RFTN2: variants seen among roughly 807,000 people sequenced by gnomAD.
RFTN2 encodes raftlin family member 2, also known as raftlin-2.
RFTN2 carries 34 observed loss-of-function variants against 52.7 expected under a neutral mutation model. That is an observed-to-expected ratio of 0.64 (90% CI 0.49 to 0.86). The LOEUF (loss-of-function observed/expected upper bound fraction) is 0.86. RFTN2 is among the 40% of genes least tolerant of loss of function. RFTN2 has a pLI of 0.00. For missense variants in RFTN2, 536 were observed against 600.1 expected (o/e 0.89, Z 1.12); for synonymous variants, 203 against 217.7 (o/e 0.93, Z 0.59).
At chr2:197,574,250 C>A (rs904619241) in intron 8 of RFTN2, among the ~76,000 whole-genome samples, 1 of 152,222 alleles carries the variant, frequency 6.6e-6, no homozygotes, top group African/African-American at 2.4e-5. Context: ...CCCTGCAAAG[C>A]CACAGGGGCA....
Position 197,628,711 on chromosome 2 carries a change from A to C in RFTN2, c.928+2300T>G, listed in dbSNP as rs532359230. Among the ~76,000 whole-genome samples the C allele has an allele frequency of 7.4e-4, 113 of 152,360 alleles. 1 individual carries two copies. The highest frequency in any genetic ancestry group is 2.6e-3 in the African/African-American group (110 of 41,582). ...TAAAAGTACTGTAATTGCACATAACAAGTGGCAGGAAAGAAAACTAACACC... is the reference window on the plus strand; with the variant it reads ...TAAAAGTACTGTAATTGCACATAACCAGTGGCAGGAAAGAAAACTAACACC... On this transcript the variant is annotated intron_variant, in intron 5 of 8. Transcript: ENST00000295049.
chr2:197,586,389 G>A (rs1024045286), intron 8 of RFTN2, among the ~76,000 whole-genome samples: 3 of 152,180 alleles, frequency 2.0e-5, no homozygotes, highest in Non-Finnish European at 4.4e-5. Context: ...CTGGGTAGAA[G>A]ACACTTCTTT....
Position 197,675,345 on chromosome 2 carries a change from A to G in RFTN2, c.114T>C (p.Tyr38=), listed in dbSNP as rs964103761. The G allele has an allele frequency of 6.2e-7, 1 of 1,603,952 alleles. No individual in the cohort carries two copies. The highest frequency in any genetic ancestry group is 2.3e-5 in the East Asian group (1 of 44,090). Reference sequence around the variant, plus strand: ...CTTGTAGAGTAAAATCCAGCAATACATATTCGTAAGCAAATTCTGTCTTTG... The same window carrying G: ...CTTGTAGAGTAAAATCCAGCAATACGTATTCGTAAGCAAATTCTGTCTTTG... The part of the protein sequence containing the change: ...VETKTEFAYE[Y]VLLDFTLQAS... The change falls in exon 1 of 9, where the codon TAT becomes TAC. Residue 38 remains tyrosine, a synonymous_variant. Transcript: ENST00000295049.
chr2:197,630,004 G>A (rs113491037), intron 5 of RFTN2, among the ~76,000 whole-genome samples: 3,629 of 152,254 alleles, frequency 0.024, 138 homozygotes, highest in African/African-American at 0.083. Flanking sequence ...GATTACAGGT[G>A]TGAGCCACAG....
intron 7 of RFTN2, among the ~76,000 whole-genome samples, chr2:197,605,206 T>C (rs1211646692): frequency 2.6e-5 from 4 of 151,888 alleles, no homozygotes; most frequent in South Asian, 2.1e-4. Context: ...TTTGGAAAAA[T>C]CAGTCTTGAA....
chr2:197,592,651 C>A (rs1214254362), intron 8 of RFTN2, among the ~76,000 whole-genome samples: 3 of 152,148 alleles, frequency 2.0e-5, no homozygotes, highest in African/African-American at 4.8e-5. Flanking sequence ...TGAAAAAATT[C>A]TTTGAAAGAC....
intron 4 of RFTN2, 126 bp downstream of exon 4, chr2:197,633,592 T>G (rs1979239): frequency 0.68 from 514,661 of 759,070 alleles, 176,731 homozygotes; most frequent in Middle Eastern, 0.84. Flanking sequence ...CATGAGGTTT[T>G]TATTAGTTCA....
rs747881941 is a variant in RFTN2 at position 197,633,813 on chromosome 2, T to C, written c.623A>G (p.Glu208Gly). 2 of 1,613,840 alleles carry C rather than the reference T, an allele frequency of 1.2e-6. No individual in the cohort carries two copies. Among genetic ancestry groups the C allele is most frequent in the East Asian group, 4.5e-5 (2 of 44,880 alleles). The change falls in exon 4 of 9, where the codon GAA (glutamate) becomes GGA (glycine). Residue 208 changes from glutamate (E) to glycine (G), a missense_variant. Glu to Gly is a moderately conservative substitution (Grantham distance 98, BLOSUM62 -2). Coordinates refer to ENST00000295049, the MANE Select transcript of RFTN2 (RefSeq NM_144629.3). ...ATGAAGTTCTTCCTCAATTCCGCTT[T>C]CAGATGACTGCCCACTTAACGTCCC... ...NEGTLSGQSS[E>G]SGIEEELHHE...
At chr2:197,585,331 C>A (rs771221319) in intron 8 of RFTN2, among the ~76,000 whole-genome samples, 1 of 152,224 alleles carries the variant, frequency 6.6e-6, no homozygotes, top group Non-Finnish European at 1.5e-5. Flanking sequence ...ATTCACCATT[C>A]TCAACTACTT....
intron 7 of RFTN2, among the ~76,000 whole-genome samples, chr2:197,602,703 C>T (rs2087898255): frequency 6.6e-6 from 1 of 152,098 alleles, no homozygotes. Flanking sequence ...CACCATTTGA[C>T]CCAGTCATCC....
intron 8 of RFTN2, among the ~76,000 whole-genome samples, chr2:197,586,717 T>A (rs1227664695): frequency 6.6e-6 from 1 of 152,180 alleles, no homozygotes; most frequent in Admixed American, 6.5e-5. Context: ...TTTCGTAGCC[T>A]CTCTAATGAC....
intron 5 of RFTN2, among the ~76,000 whole-genome samples, chr2:197,625,703 C>T (rs1453874207): frequency 3.6e-5 from 5 of 140,482 alleles, no homozygotes; most frequent in African/African-American, 1.3e-4. Flanking sequence ...CCTCTCCTCT[C>T]CTCTCCTCTC....
At chr2:197,654,870 G>A (rs1238391385) in intron 1 of RFTN2, among the ~76,000 whole-genome samples, 6 of 152,024 alleles carry the variant, frequency 3.9e-5, no homozygotes, top group Admixed American at 3.9e-4. Flanking sequence ...GGTGGTGCAT[G>A]CCTGTAATCC....
At chr2:197,608,622 A>C (rs2088000401) in intron 7 of RFTN2, among the ~76,000 whole-genome samples, 1 of 100,714 alleles carries the variant, frequency 9.9e-6, no homozygotes. Flanking sequence ...CTGGGACCAG[A>C]CTTTTTTTTT....
chr2:197,581,855 AC>A (rs1426952317), intron 8 of RFTN2, among the ~76,000 whole-genome samples: 2 of 152,168 alleles, frequency 1.3e-5, no homozygotes, highest in African/African-American at 4.8e-5. Context: ...TGCCATCCTA[AC>A]AAAACCATTA....
chr2:197,588,015 C>T (rs548265664), intron 8 of RFTN2: 3 of 469,958 alleles, frequency 6.4e-6, no homozygotes, highest in Non-Finnish European at 1.3e-5. Flanking sequence ...CACTGTCTTA[C>T]CCACATCTGC....
intron 3 of RFTN2, among the ~76,000 whole-genome samples, chr2:197,638,316 T>C (rs1303915737): frequency 1.9e-5 from 2 of 103,408 alleles, no homozygotes; most frequent in African/African-American, 3.3e-5. Context: ...GTCTCGTTGA[T>C]CTGTCTAATG....
chr2:197,637,765 T>C (rs1322837957), intron 3 of RFTN2, among the ~76,000 whole-genome samples: 1 of 150,572 alleles, frequency 6.6e-6, no homozygotes, highest in Non-Finnish European at 1.5e-5. Flanking sequence ...TTTAGTTATT[T>C]CTTGCCTTCT....
chr2:197,591,624 G>A (rs1177735896), intron 8 of RFTN2, among the ~76,000 whole-genome samples: 2 of 152,222 alleles, frequency 1.3e-5, no homozygotes, highest in Admixed American at 1.3e-4. Flanking sequence ...CATTGGGGAG[G>A]CTCCGGTGGT....
Sources: allele counts gnomAD v4.1 joint callset (sites outside exome capture counted in the v4.1 genomes callset), GRCh38; gene constraint gnomAD v4.1.1; transcripts MANE v1.5; gene names NCBI Gene and HGNC (gene_info 2026-07-23, HGNC 2026-07-21).